The following MAP2K3 variants were observed in gnomAD, a reference collection of about 807,000 sequenced individuals.
MAP2K3 encodes the protein dual specificity mitogen-activated protein kinase kinase 3.
In MAP2K3, 30 loss-of-function variants were observed where a neutral mutation model predicts 46.4. The ratio of observed to expected loss-of-function variants is 0.65; its 90% CI spans 0.48 to 0.88. MAP2K3 has a LOEUF of 0.88. Ranked by LOEUF, MAP2K3 falls within the 40% of genes least tolerant of loss-of-function variation. The probability of loss-of-function intolerance (pLI) is 0.00; values close to 1 mark genes in which losing one functional copy is unlikely to be tolerated. For synonymous variants in MAP2K3, 189 were observed against 176.3 expected (o/e 1.07, Z -0.57); for missense variants, 380 against 464.5 (o/e 0.82, Z 1.67).
intron 1 of MAP2K3, chr17:21,296,000 T>C (rs1368843361): frequency 1.6e-6 from 2 of 1,272,152 alleles, no homozygotes; most frequent in East Asian, 5.6e-5. Flanking sequence ...ATATTTTATA[T>C]TCTGGTTACG....
intron 1 of MAP2K3, chr17:21,288,204 C>A: frequency 1.2e-6 from 1 of 802,364 alleles, no homozygotes; most frequent in Non-Finnish European, 1.8e-6. Context: ...GGTTACGTGT[C>A]CTGCAGGTGG....
At chr17:21,302,625 G>A (rs1976670796) in intron 6 of MAP2K3, among the ~76,000 whole-genome samples, 1 of 152,312 alleles carries the variant, frequency 6.6e-6, no homozygotes, top group Non-Finnish European at 1.5e-5. Flanking sequence ...AGCTAAGTTG[G>A]GGGAAAGGTT....
intron 1 of MAP2K3, among the ~76,000 whole-genome samples, chr17:21,298,164 C>A (rs1976367469): frequency 6.6e-6 from 1 of 152,308 alleles, no homozygotes; most frequent in South Asian, 2.1e-4. Context: ...GCCCAGTGGG[C>A]AGGGCTGAGA....
At chr17:21,293,353 C>T (rs1166534539) in intron 1 of MAP2K3, among the ~76,000 whole-genome samples, 1 of 152,310 alleles carries the variant, frequency 6.6e-6, no homozygotes, top group Non-Finnish European at 1.5e-5. Flanking sequence ...TCTGGCCCTT[C>T]CCTACGTCCT....
Position 21,297,719 on chromosome 17 carries a change from G to A in MAP2K3, c.50-694G>A, listed in dbSNP as rs2144538770. On this transcript the variant is annotated intron_variant, in intron 1 of 11. Coordinates refer to ENST00000342679, the MANE Select transcript of MAP2K3 (RefSeq NM_145109.3). ...CTCTTGTAGCCAGCCTGAGAGGTGT[G>A]GACACTGGGGCCTCTCGCCTGTCCC... 2.0e-5 allele frequency among the ~76,000 whole-genome samples: 3 copies of A among 152,306 alleles called. No individual in the cohort carries two copies. In the East Asian group the frequency reaches 5.8e-4, roughly 29 times the overall value.
chr17:21,303,192 G>T lies in MAP2K3; in HGVS notation c.526G>T (p.Ala176Ser). 1 of 1,614,248 alleles carries T rather than the reference G, an allele frequency of 6.2e-7. No homozygotes were observed. ...CCCACCCCACCGCCAGATCGTGCGG[G>T]CCCTGGAGCATCTGCACAGCAAGCT... Reference protein sequence around the residue: ...LGEIAVSIVRALEHLHSKLSV... With the variant: ...LGEIAVSIVRSLEHLHSKLSV... The change falls in exon 7 of 12, where the codon GCC (alanine) becomes TCC (serine). Residue 176 changes from alanine to serine, a missense_variant. Coordinates refer to ENST00000342679, the MANE Select transcript of MAP2K3 (RefSeq NM_145109.3).
At chr17:21,291,883 C>T in intron 1 of MAP2K3, among the ~76,000 whole-genome samples, 1 of 152,430 alleles carries the variant, frequency 6.6e-6, no homozygotes, top group Admixed American at 6.5e-5. Context: ...CCTTGCTCAT[C>T]CTTTCCCAGA....
At chr17:21,290,939 C>T (rs1975886294) in intron 1 of MAP2K3, among the ~76,000 whole-genome samples, 1 of 151,766 alleles carries the variant, frequency 6.6e-6, no homozygotes, top group Non-Finnish European at 1.5e-5. Context: ...GAGACCCTGT[C>T]TGTTTAAAAA....
chr17:21,304,382 G>T (rs751776259), intron 7 of MAP2K3, 44 bp from the exon 8 acceptor site: 3 of 1,614,172 alleles, frequency 1.9e-6, no homozygotes, highest in Non-Finnish European at 1.7e-6. Flanking sequence ...CCTGCCTCCA[G>T]TCGTGCTCCA....
intron 1 of MAP2K3, among the ~76,000 whole-genome samples, chr17:21,286,187 G>A (rs1267105361): frequency 6.6e-6 from 1 of 152,254 alleles, no homozygotes; most frequent in Non-Finnish European, 1.5e-5. Flanking sequence ...GTAGCACCTG[G>A]CGCAGAGCCG....
At chr17:21,287,920 C>G in intron 1 of MAP2K3, 1 of 758,924 alleles carries the variant, frequency 1.3e-6, no homozygotes, top group Non-Finnish European at 2.0e-6. Flanking sequence ...GCCACCCCCC[C>G]AACCCCTGGC....
At chr17:21,302,021 T>G in intron 5 of MAP2K3, 122 bp from the exon 6 acceptor site, 1 of 952,286 alleles carries the variant, frequency 1.1e-6, no homozygotes, top group Middle Eastern at 2.5e-4. Flanking sequence ...GAACTGTGGC[T>G]GAGTGGGTGG....
chr17:21,314,489 C>A lies in MAP2K3; in HGVS notation c.*259C>A, dbSNP rs1359948473. The A allele has an allele frequency of 7.9e-5, 41 of 522,108 alleles. No individual in the cohort carries two copies. Among genetic ancestry groups the A allele is most frequent in the Non-Finnish European group, 1.2e-4 (36 of 288,122 alleles). 32.3% of individuals were successfully genotyped at this position (522,108 alleles called of 1,614,324 possible). A position where few individuals can be genotyped will look rare whatever the true frequency, so the allele number is the denominator to read the frequency against. On this transcript the variant is annotated 3_prime_UTR_variant, in exon 12 of 12. Transcript: ENST00000342679. ...TGCTCCTAGGACCCGTCTCCAGCTG[C>A]TGAGATCCTGGACTGAGGGGGCCTG... is the stretch of plus-strand genomic sequence containing the variant.
chr17:21,302,233 G>A lies in MAP2K3; in HGVS notation c.490G>A (p.Asp164Asn). 1.9e-6 allele frequency: 3 copies of A among 1,605,958 alleles called. No homozygotes were observed. Among genetic ancestry groups the A allele is most frequent in the Non-Finnish European group, 2.6e-6 (3 of 1,174,702 alleles). The change falls in exon 6 of 12, where the codon GAC becomes AAC. Residue 164 changes from aspartate (D) to asparagine (N), a missense_variant. Coordinates refer to ENST00000342679, the MANE Select transcript of MAP2K3 (RefSeq NM_145109.3). Reference protein sequence around the residue: ...VLDKNMTIPEDILGEIAVSIV... With the variant: ...VLDKNMTIPENILGEIAVSIV... ...GGATAAAAACATGACAATTCCAGAGGACATCCTTGGGGAGATTGCTGTGTC... is the reference window on the plus strand; with the variant it reads ...GGATAAAAACATGACAATTCCAGAGAACATCCTTGGGGAGATTGCTGTGTC...
chr17:21,302,040 C>CTA (rs1300188390), intron 5 of MAP2K3, 103 bp from the exon 6 acceptor site: 1 of 1,195,608 alleles, frequency 8.4e-7, no homozygotes, highest in South Asian at 1.2e-5. Flanking sequence ...GGGCACACGT[C>CTA]GGAGAGGGGG....
intron 1 of MAP2K3, chr17:21,288,050 G>A: frequency 3.9e-6 from 5 of 1,289,218 alleles, no homozygotes; most frequent in Non-Finnish European, 5.1e-6. Flanking sequence ...TTCTCAGTTG[G>A]CCCGTGTGAG....
At chr17:21,302,056 G>A (rs1976633096) in intron 5 of MAP2K3, 87 bp from the exon 6 acceptor site, 9 of 1,344,548 alleles carry the variant, frequency 6.7e-6, no homozygotes, top group Middle Eastern at 1.9e-4. Context: ...GGGGGCTGGG[G>A]CTGGGGCTGG....
At chr17:21,313,573 AG>A in intron 11 of MAP2K3, 36 bp downstream of exon 11, 1 of 708,608 alleles carries the variant, frequency 1.4e-6, no homozygotes, top group Non-Finnish European at 2.4e-6. Context: ...CCTGCTCTTC[AG>A]GGCTGGCTGG....
intron 3 of MAP2K3, among the ~76,000 whole-genome samples, chr17:21,299,559 G>A (rs930788463): frequency 6.6e-5 from 10 of 152,304 alleles, no homozygotes; most frequent in African/African-American, 2.4e-4. Flanking sequence ...GTGCGTGCCT[G>A]TGGCCCCAGC....
Sources: allele counts gnomAD v4.1 joint callset (sites outside exome capture counted in the v4.1 genomes callset), GRCh38; gene constraint gnomAD v4.1.1; transcripts MANE v1.5; gene names NCBI Gene and HGNC (gene_info 2026-07-23, HGNC 2026-07-21).